ADRA1A: variants seen among roughly 807,000 people sequenced by gnomAD.
ADRA1A encodes the protein alpha-1A adrenergic receptor.
In ADRA1A, 31 loss-of-function variants were observed where a neutral mutation model predicts 29.6. The observed-to-expected ratio is 1.05, with a 90% CI of 0.79 to 1.41. ADRA1A has a LOEUF of 1.41. Ranked by LOEUF, ADRA1A falls within the 40% of genes most tolerant of loss-of-function variation. The pLI is 0.00. For missense variants in ADRA1A, 619 were observed against 601.1 expected, an observed-to-expected ratio of 1.03 and a Z score of -0.31; for synonymous variants, 311 against 254.3, an observed-to-expected ratio of 1.22 and a Z score of -2.12.
chr8:26,839,350 G>A (rs765074550), intron 2 of ADRA1A, among the ~76,000 whole-genome samples: 2 of 152,036 alleles, frequency 1.3e-5, no homozygotes, highest in Non-Finnish European at 2.9e-5. Flanking sequence ...AGTAGAGACG[G>A]GGTTTCACTG....
intron 2 of ADRA1A, among the ~76,000 whole-genome samples, chr8:26,838,676 G>A (rs900739173): frequency 6.6e-6 from 1 of 152,196 alleles, no homozygotes; most frequent in Non-Finnish European, 1.5e-5. Flanking sequence ...AAGCAAGGGA[G>A]AACCAGGGTC....
At chr8:26,808,031 T>C (rs1809125915) in intron 2 of ADRA1A, among the ~76,000 whole-genome samples, 1 of 152,238 alleles carries the variant, frequency 6.6e-6, no homozygotes, top group Non-Finnish European at 1.5e-5. Context: ...GTAATACATT[T>C]ACGTGGCTCA....
intron 2 of ADRA1A, among the ~76,000 whole-genome samples, chr8:26,749,320 T>G (rs534248224): frequency 2.0e-5 from 3 of 152,328 alleles, no homozygotes; most frequent in African/African-American, 7.2e-5. Context: ...TAGAGATGCA[T>G]CTAATATAAC....
In ADRA1A at chr8:26,757,363, C is replaced by T. The variant is rs566095871; in HGVS notation, c.1270-584G>A. 1.2e-3 allele frequency among the ~76,000 whole-genome samples: 184 copies of T among 152,234 alleles called. 2 individuals are homozygous for T. Among genetic ancestry groups the T allele is most frequent in the African/African-American group, 4.2e-3 (175 of 41,530 alleles). On this transcript the variant is annotated intron_variant, in intron 2 of 2. Transcript: ENST00000380582. ...GTGGACTTCCCTGTGAAGCCACCTG[C>T]CTAGAAGGCTGCTGGAGACCACTTA...
chr8:26,791,128 G>A (rs1445976583), intron 2 of ADRA1A, among the ~76,000 whole-genome samples: 2 of 152,072 alleles, frequency 1.3e-5, no homozygotes, highest in Admixed American at 6.6e-5. Flanking sequence ...AATATGTCAT[G>A]AACATTTTGC....
downstream of ADRA1A, among the ~76,000 whole-genome samples, chr8:26,762,435 G>A (rs1214177481): frequency 6.6e-6 from 1 of 152,194 alleles, no homozygotes; most frequent in African/African-American, 2.4e-5. The surrounding 1 kb of genome is among the most constrained non-coding windows in gnomAD (Gnocchi z 4.0). Context: ...GACCTGGGAA[G>A]AGGATGGAGT....
chr8:26,809,873 G>T (rs150275459), intron 2 of ADRA1A, among the ~76,000 whole-genome samples: 2 of 152,146 alleles, frequency 1.3e-5, no homozygotes, highest in Non-Finnish European at 1.5e-5. Context: ...TAAATAGCTC[G>T]CTATATAATT....
At chr8:26,794,710 G>T (rs917340229) in intron 2 of ADRA1A, among the ~76,000 whole-genome samples, 3 of 152,006 alleles carry the variant, frequency 2.0e-5, no homozygotes, top group African/African-American at 7.2e-5. Flanking sequence ...GAGGCAGGTT[G>T]GATTTGACCT....
At chr8:26,863,558 GAAAAT>G (rs1022552679) in intron 2 of ADRA1A, among the ~76,000 whole-genome samples, 1 of 151,964 alleles carries the variant, frequency 6.6e-6, no homozygotes, top group Non-Finnish European at 1.5e-5. Flanking sequence ...ACTGAATCCA[GAAAAT>G]AAAATTAGCA....
At chr8:26,808,539 G>T (rs1248496527) in intron 2 of ADRA1A, among the ~76,000 whole-genome samples, 1 of 152,188 alleles carries the variant, frequency 6.6e-6, no homozygotes, top group Admixed American at 6.5e-5. Flanking sequence ...TGATGACAAA[G>T]CCCCATTGCG....
At chr8:26,754,021 T>C (rs1311220981), downstream of ADRA1A, among the ~76,000 whole-genome samples, 2 of 152,246 alleles carry the variant, frequency 1.3e-5, no homozygotes, top group Non-Finnish European at 2.9e-5. Flanking sequence ...ATTCATCTGC[T>C]TAGTACTATA....
chr8:26,775,637 G>A lies in ADRA1A; in HGVS notation c.884-4971C>T, dbSNP rs1563243009. Among the ~76,000 whole-genome samples the A allele has an allele frequency of 6.6e-6, 1 of 152,194 alleles. No individual in the cohort carries two copies. Among genetic ancestry groups the A allele is most frequent in the Non-Finnish European group, 1.5e-5 (1 of 68,040 alleles). On this transcript the variant is annotated intron_variant, in intron 2 of 2. Transcript: ENST00000380573. This position sits in a 1 kb window ranked among gnomAD's most constrained non-coding sequence, Gnocchi z 4.1. Reference sequence around the variant, plus strand: ...CTGCAGCTCAAGCCATCCTTTGCATGTGAATTTGCCTGGTTTAATTCTTGG... The same window carrying A: ...CTGCAGCTCAAGCCATCCTTTGCATATGAATTTGCCTGGTTTAATTCTTGG...
rs189592011 is a variant in ADRA1A at position 26,823,891 on chromosome 8, C to T, written c.883+40196G>A. 6.6e-6 allele frequency among the ~76,000 whole-genome samples: 1 copy of T among 152,328 alleles called. No homozygotes were observed. The highest frequency in any genetic ancestry group is 1.5e-5 in the Non-Finnish European group (1 of 68,030). On this transcript the variant is annotated intron_variant, in intron 2 of 2. Transcript: ENST00000380573. This position sits in a 1 kb window ranked among gnomAD's most constrained non-coding sequence, Gnocchi z 4.2. The stretch of plus-strand genomic sequence containing the variant: ...GCGGCAGAATTGGAAATGAAATCTT[C>T]ATACTCCAAGCCTTTCTTTGGGTCT...
chr8:26,800,413 G>A (rs1426508523), intron 2 of ADRA1A, among the ~76,000 whole-genome samples: 1 of 152,088 alleles, frequency 6.6e-6, no homozygotes, highest in African/African-American at 2.4e-5. Context: ...TTCAATGGAG[G>A]AAGGTAGCTC....
intron 2 of ADRA1A, among the ~76,000 whole-genome samples, chr8:26,785,426 A>C (rs1055899522): frequency 6.6e-6 from 1 of 152,218 alleles, no homozygotes. Flanking sequence ...CAAGGATGTC[A>C]ACATTCAGAA....
intron 2 of ADRA1A, among the ~76,000 whole-genome samples, chr8:26,785,551 T>TC (rs1807313230): frequency 6.6e-6 from 1 of 151,910 alleles, no homozygotes; most frequent in South Asian, 2.1e-4. Flanking sequence ...ACATTGATTT[T>TC]TTTTTCAATT....
chr8:26,859,492 A>G (rs1028947817), intron 2 of ADRA1A, among the ~76,000 whole-genome samples: 1 of 152,212 alleles, frequency 6.6e-6, no homozygotes, highest in African/African-American at 2.4e-5. Context: ...CCTATGTCAT[A>G]GACTTGCAAT....
intron 2 of ADRA1A, among the ~76,000 whole-genome samples, chr8:26,862,784 A>G (rs888041037): frequency 6.6e-5 from 10 of 152,248 alleles, no homozygotes; most frequent in African/African-American, 2.4e-4. Flanking sequence ...ACGTGTGACT[A>G]TGGAGCACTT....
intron 2 of ADRA1A, among the ~76,000 whole-genome samples, chr8:26,827,046 G>A (rs74491982): frequency 0.055 from 8,401 of 152,240 alleles, 290 homozygotes; most frequent in South Asian, 0.079. Context: ...AAAATGGAGG[G>A]CAAGAACTGA....
Sources: allele counts gnomAD v4.1 joint callset (sites outside exome capture counted in the v4.1 genomes callset), GRCh38; gene constraint gnomAD v4.1.1; non-coding constraint Gnocchi (gnomAD v3.1); transcripts MANE v1.5; gene names NCBI Gene and HGNC (gene_info 2026-07-23, HGNC 2026-07-21).